Variants in ACACA observed in about 807,000 individuals in gnomAD.
ACACA encodes acetyl-CoA carboxylase 1.
In ACACA, 103 loss-of-function variants were observed where a neutral mutation model predicts 296.1. That is an observed-to-expected ratio of 0.35 (90% confidence interval 0.30 to 0.41). The LOEUF is 0.41. Ranked by LOEUF, ACACA falls within the 10% of genes least tolerant of loss-of-function variation. ACACA has a pLI of 1.00. For missense variants in ACACA, 1,554 were observed against 2,989.7 expected, an observed-to-expected ratio of 0.52 and a Z score of 11.20; for synonymous variants, 953 against 1,038.6, an observed-to-expected ratio of 0.92 and a Z score of 1.58.
intron 24 of ACACA, among the ~76,000 whole-genome samples, chr17:37,235,348 C>T (rs938976694): frequency 2.6e-5 from 4 of 151,730 alleles, no homozygotes; most frequent in Non-Finnish European, 5.9e-5. Context: ...ACTGTGTGCT[C>T]CTGGGAAAAT....
intron 45 of ACACA, among the ~76,000 whole-genome samples, chr17:37,148,006 CA>C (rs765728782): frequency 8.6e-5 from 13 of 151,870 alleles, no homozygotes; most frequent in South Asian, 4.2e-4. Flanking sequence ...AGTATCGGGG[CA>C]GGGGGGAGAA....
intron 19 of ACACA, among the ~76,000 whole-genome samples, chr17:37,245,983 C>T (rs1267882459): frequency 6.6e-6 from 1 of 152,172 alleles, no homozygotes; most frequent in Non-Finnish European, 1.5e-5. Flanking sequence ...CTTGCAGTTC[C>T]CTAAATACAC....
chr17:37,198,857 T>A (rs918854259), intron 35 of ACACA, among the ~76,000 whole-genome samples: 1 of 152,158 alleles, frequency 6.6e-6, no homozygotes, highest in African/African-American at 2.4e-5. Context: ...GGTCCTTGAG[T>A]TTAGAAAGTC....
At chr17:37,221,884 G>A (rs772316156) in intron 28 of ACACA, 42 bp from the exon 29 acceptor site, 1 of 1,524,582 alleles carries the variant, frequency 6.6e-7, no homozygotes, top group Admixed American at 1.7e-5. Flanking sequence ...TTCAAAAACA[G>A]AAATTAAGAA....
intron 38 of ACACA, among the ~76,000 whole-genome samples, chr17:37,189,926 G>A (rs1346889963): frequency 6.6e-6 from 1 of 151,854 alleles, no homozygotes; most frequent in Non-Finnish European, 1.5e-5. Flanking sequence ...TGTAATCCCA[G>A]CACTTTGGGA....
intron 52 of ACACA, among the ~76,000 whole-genome samples, chr17:37,104,194 G>A (rs1467776129): frequency 3.9e-5 from 6 of 152,206 alleles, no homozygotes; most frequent in Admixed American, 1.3e-4. Context: ...CATGTGGCCT[G>A]CAGGCCACGG....
chr17:37,178,855 C>G (rs1480861059), intron 41 of ACACA, among the ~76,000 whole-genome samples: 2 of 152,010 alleles, frequency 1.3e-5, no homozygotes, highest in Non-Finnish European at 2.9e-5. Flanking sequence ...TAGACAAAAA[C>G]AGGGAAAATA....
intron 27 of ACACA, among the ~76,000 whole-genome samples, chr17:37,223,995 A>G (rs536448615): frequency 1.3e-5 from 2 of 152,330 alleles, no homozygotes; most frequent in South Asian, 4.1e-4. Flanking sequence ...TGAGGTCAGG[A>G]GTTCGAGACC....
chr17:37,129,878 A>C (rs2075006547), intron 46 of ACACA, among the ~76,000 whole-genome samples, 197 bp downstream of exon 46: 1 of 152,230 alleles, frequency 6.6e-6, no homozygotes, highest in Non-Finnish European at 1.5e-5. Flanking sequence ...GGGCCCAACA[A>C]ATGAAATCCA....
intron 29 of ACACA, among the ~76,000 whole-genome samples, chr17:37,216,125 A>AACACAC (rs745794412): frequency 0.043 from 5,322 of 124,468 alleles, 184 homozygotes; most frequent in South Asian, 0.11. Context: ...TAAAAAAGGA[A>AACACAC]ACACACACAC....
intron 52 of ACACA, among the ~76,000 whole-genome samples, chr17:37,109,604 G>A (rs770318290): frequency 2.0e-5 from 3 of 152,184 alleles, no homozygotes; most frequent in Admixed American, 1.3e-4. Context: ...TCTCCAATGC[G>A]GATAGGAAAT....
intron 10 of ACACA, among the ~76,000 whole-genome samples, chr17:37,264,193 C>A (rs962311607): frequency 6.6e-6 from 1 of 152,128 alleles, no homozygotes; most frequent in Non-Finnish European, 1.5e-5. Context: ...ACAAATCCAA[C>A]AACAGGGCAA....
At chr17:37,178,501 T>C (rs1190048520) in intron 41 of ACACA, among the ~76,000 whole-genome samples, 2 of 152,180 alleles carry the variant, frequency 1.3e-5, no homozygotes, top group Non-Finnish European at 2.9e-5. Context: ...AACAATACTT[T>C]AAATGTTTTC....
intron 31 of ACACA, among the ~76,000 whole-genome samples, chr17:37,207,247 C>T (rs2078546191): frequency 6.6e-6 from 1 of 152,104 alleles, no homozygotes; most frequent in South Asian, 2.1e-4. Flanking sequence ...TACCCCTCCC[C>T]CTAGGGTAAT....
chr17:37,273,754 T>A (rs1451980839), intron 9 of ACACA, among the ~76,000 whole-genome samples: 2 of 152,222 alleles, frequency 1.3e-5, no homozygotes, highest in Non-Finnish European at 2.9e-5. Context: ...TTCATCAACA[T>A]CTCTGTTCAT....
chr17:37,256,805 A>G (rs2081248304), intron 14 of ACACA, among the ~76,000 whole-genome samples: 2 of 152,198 alleles, frequency 1.3e-5, no homozygotes, highest in South Asian at 4.1e-4. Flanking sequence ...ACAAACAACC[A>G]TATATTAGGA....
chr17:37,164,132 C>T (rs1197122686), intron 41 of ACACA, among the ~76,000 whole-genome samples: 2 of 149,840 alleles, frequency 1.3e-5, no homozygotes, highest in African/African-American at 2.5e-5. Context: ...ACCAGATGAG[C>T]TTCCCTGGTC....
chr17:37,359,311 G>C (rs938672709), intron 1 of ACACA, among the ~76,000 whole-genome samples: 5 of 152,074 alleles, frequency 3.3e-5, no homozygotes, highest in African/African-American at 1.2e-4. Context: ...CGAGGGCTCA[G>C]CGGCAGCCAA....
chr17:37,371,132 T>TGCAA (rs1392700876), intron 1 of ACACA, among the ~76,000 whole-genome samples: 1 of 151,972 alleles, frequency 6.6e-6, no homozygotes, highest in African/African-American at 2.4e-5. Context: ...CAGGCTGGAG[T>TGCAA]GCAATGTCAC....
Sources: gnomAD v4.1 joint callset for allele counts (sites outside exome capture counted in the v4.1 genomes callset) on GRCh38, gnomAD v4.1.1 for gene constraint, MANE v1.5 for transcripts, NCBI Gene and HGNC (gene_info 2026-07-23, HGNC 2026-07-21) for gene names.